The following MAP2K5 variants were observed in gnomAD, a reference collection of about 807,000 sequenced individuals.
MAP2K5 encodes the protein dual specificity mitogen-activated protein kinase kinase 5.
A neutral mutation model predicts 83.1 loss-of-function variants in MAP2K5; 49 were observed. That is an observed-to-expected ratio of 0.59 (90% CI 0.47 to 0.75). The LOEUF (loss-of-function observed/expected upper bound fraction) is 0.75. Among genes scored for constraint, MAP2K5 ranks in the 30% least tolerant of loss-of-function variants. MAP2K5 has a pLI of 0.00. For missense variants in MAP2K5, 457 were observed against 557.5 expected (o/e 0.82, Z 1.82); for synonymous variants, 202 against 191.8 (o/e 1.05, Z -0.44).
chr15:67,785,814 G>A lies in MAP2K5; in HGVS notation c.1242+13062G>A, dbSNP rs140473016. Among the ~76,000 whole-genome samples, 94 of 150,408 alleles carry A rather than the reference G, an allele frequency of 6.2e-4. No homozygotes were observed. In the East Asian group the frequency reaches 0.018, roughly 28 times the overall value. ...TTCAAAGCTTGCAAATCAGTCTATC[G>A]TGTGAATGTGAGCCAAGAAGCAACC... On this transcript the variant is annotated intron_variant, in intron 21 of 21. Coordinates refer to ENST00000178640, the MANE Select transcript of MAP2K5 (RefSeq NM_145160.3). The surrounding 1 kb of genome is among the most constrained non-coding windows in gnomAD (Gnocchi z 4.4).
intron 9 of MAP2K5, among the ~76,000 whole-genome samples, chr15:67,645,464 T>C (rs958797673): frequency 2.0e-5 from 3 of 152,236 alleles, no homozygotes; most frequent in Non-Finnish European, 4.4e-5. Context: ...GGTGACAGCA[T>C]GAGACTGTGT....
rs975132231 is a variant in MAP2K5, at chr15:67,749,832, A to C, written c.1134+1231A>C. Among the ~76,000 whole-genome samples the C allele has an allele frequency of 1.3e-5, 2 of 152,146 alleles. No individual in the cohort carries two copies. Among genetic ancestry groups the C allele is most frequent in the African/African-American group, 4.8e-5 (2 of 41,446 alleles). ...CTACTATCCCCATCAGAATCCTCCC[A>C]ATTTAACTGGTTTTCCTGAGGTCCC... On this transcript the variant is annotated intron_variant, in intron 19 of 21. Transcript: ENST00000178640. This position sits in a 1 kb window ranked among gnomAD's most constrained non-coding sequence, Gnocchi z 4.6.
chr15:67,676,009 G>T lies in MAP2K5; in HGVS notation c.847+11364G>T, dbSNP rs1272704747. On this transcript the variant is annotated intron_variant, in intron 13 of 21. Coordinates refer to ENST00000178640, the MANE Select transcript of MAP2K5 (RefSeq NM_145160.3). The surrounding 1 kb of genome is among the most constrained non-coding windows in gnomAD (Gnocchi z 4.8). Reference sequence around the variant, plus strand: ...CCCACCTCTAAAAGCCTTCTGACTTGCAGGGGATTGGGATTTGAAGCAGAC... The same window carrying T: ...CCCACCTCTAAAAGCCTTCTGACTTTCAGGGGATTGGGATTTGAAGCAGAC... Among the ~76,000 whole-genome samples, 1 of 152,234 alleles carries T rather than the reference G, an allele frequency of 6.6e-6. No homozygotes were observed. Among genetic ancestry groups the T allele is most frequent in the Non-Finnish European group, 1.5e-5 (1 of 68,038 alleles).
At chr15:67,695,879 G>T (rs1175049047) in intron 15 of MAP2K5, among the ~76,000 whole-genome samples, 1 of 152,184 alleles carries the variant, frequency 6.6e-6, no homozygotes, top group Non-Finnish European at 1.5e-5. Context: ...CTTCTTAGGT[G>T]AGTGAATTCT....
rs1474618645 is a variant in MAP2K5 at position 67,755,647 on chromosome 15, A to G, written c.1134+7046A>G. Among the ~76,000 whole-genome samples, 1 of 152,152 alleles carries G rather than the reference A, an allele frequency of 6.6e-6. No homozygotes were observed. Among genetic ancestry groups the G allele is most frequent in the African/African-American group, 2.4e-5 (1 of 41,414 alleles). On this transcript the variant is annotated intron_variant, in intron 19 of 21. Transcript: ENST00000178640. The surrounding 1 kb of genome is among the most constrained non-coding windows in gnomAD (Gnocchi z 4.7). ...TAGATGATTGTCCCTATTCATAATG[A>G]TTCTTTTTAGTACCACCATAATGAT...
At chr15:67,606,480 T>G (rs2085780833) in intron 8 of MAP2K5, among the ~76,000 whole-genome samples, 1 of 152,186 alleles carries the variant, frequency 6.6e-6, no homozygotes, top group South Asian at 2.1e-4. Flanking sequence ...ACTTAGGAAT[T>G]AATTTGAACC....
intron 13 of MAP2K5, among the ~76,000 whole-genome samples, chr15:67,692,210 T>G (rs963449471): frequency 1.6e-4 from 24 of 152,222 alleles, no homozygotes; most frequent in African/African-American, 5.3e-4. Flanking sequence ...TATTTACTGT[T>G]GTTGTAAGCC....
chr15:67,764,120 C>A lies in MAP2K5; in HGVS notation c.1135-5482C>A, dbSNP rs942605816. On this transcript the variant is annotated intron_variant, in intron 19 of 21. Coordinates refer to ENST00000178640, the MANE Select transcript of MAP2K5 (RefSeq NM_145160.3). This position sits in a 1 kb window ranked among gnomAD's most constrained non-coding sequence, Gnocchi z 4.9. Reference sequence around the variant, plus strand: ...GGCTGGCCATATTTCATTTAACTTGCCATGCTGGTTTAATCCAACCACAGT... The same window carrying A: ...GGCTGGCCATATTTCATTTAACTTGACATGCTGGTTTAATCCAACCACAGT... 6.6e-6 allele frequency among the ~76,000 whole-genome samples: 1 copy of A among 152,186 alleles called. No homozygotes were observed. The highest frequency in any genetic ancestry group is 1.5e-5 in the Non-Finnish European group (1 of 68,036).
intron 13 of MAP2K5, among the ~76,000 whole-genome samples, chr15:67,682,705 T>G (rs1187315756): frequency 6.7e-6 from 1 of 148,828 alleles, no homozygotes; most frequent in Non-Finnish European, 1.5e-5. Context: ...TGGTGGCAGG[T>G]GCCTGTAGTC....
intron 11 of MAP2K5, among the ~76,000 whole-genome samples, chr15:67,648,874 C>T (rs145339143): frequency 7.5e-4 from 114 of 152,232 alleles, no homozygotes; most frequent in African/African-American, 2.6e-3. Flanking sequence ...CCACTGCACC[C>T]GGTCAGTGTT....
At chr15:67,709,708 C>G (rs1249067338) in intron 16 of MAP2K5, among the ~76,000 whole-genome samples, 1 of 152,128 alleles carries the variant, frequency 6.6e-6, no homozygotes, top group African/African-American at 2.4e-5. Flanking sequence ...ATTCTTGTGT[C>G]ATTTGAGTTC....
chr15:67,646,206 A>C lies in MAP2K5; in HGVS notation c.586-25A>C, dbSNP rs747431161. On this transcript the variant is annotated intron_variant, in intron 9 of 21. Coordinates refer to ENST00000178640, the MANE Select transcript of MAP2K5 (RefSeq NM_145160.3). ...AACTAATATAATTAGAAGATTAAAAAATATTAATACCTTTCTATATTTAGG... is the reference window on the plus strand; with the variant it reads ...AACTAATATAATTAGAAGATTAAAACATATTAATACCTTTCTATATTTAGG... 4.0e-6 allele frequency: 4 copies of C among 991,696 alleles called. No individual in the cohort carries two copies. The Admixed American group carries it at 1.1e-4, about 27-fold the overall frequency. 61.4% of individuals were successfully genotyped at this position (991,696 alleles called of 1,614,324 possible).
intron 8 of MAP2K5, among the ~76,000 whole-genome samples, chr15:67,611,154 TA>T (rs933198479): frequency 6.6e-6 from 1 of 152,162 alleles, no homozygotes; most frequent in Non-Finnish European, 1.5e-5. Context: ...TAAAACTTAT[TA>T]AATCATAATT....
chr15:67,656,167 A>T (rs1020599452), intron 11 of MAP2K5, among the ~76,000 whole-genome samples: 2 of 152,168 alleles, frequency 1.3e-5, no homozygotes, highest in Admixed American at 6.5e-5. Flanking sequence ...GCCACAGATG[A>T]ATGAGTTTCT....
intron 4 of MAP2K5, among the ~76,000 whole-genome samples, chr15:67,581,301 C>T (rs1360103343): frequency 6.6e-6 from 1 of 152,108 alleles, no homozygotes; most frequent in African/African-American, 2.4e-5. Context: ...AATTGAAATT[C>T]TTCATAAATG....
intron 17 of MAP2K5, among the ~76,000 whole-genome samples, chr15:67,740,808 G>A (rs1209279101): frequency 1.3e-5 from 2 of 152,016 alleles, no homozygotes; most frequent in South Asian, 2.1e-4. Flanking sequence ...CAGGCAGATC[G>A]CTTGAGGCCA....
chr15:67,663,532 A>G (rs1338628670), intron 12 of MAP2K5, among the ~76,000 whole-genome samples: 2 of 152,134 alleles, frequency 1.3e-5, no homozygotes, highest in Non-Finnish European at 2.9e-5. Flanking sequence ...TGGGAAAAGC[A>G]GTTTCTATTC....
chr15:67,547,510 C>T (rs946283005), intron 1 of MAP2K5, among the ~76,000 whole-genome samples: 10 of 144,658 alleles, frequency 6.9e-5, no homozygotes, highest in African/African-American at 2.6e-4. Flanking sequence ...GGCTGGAATG[C>T]AGTGGCGTGA....
chr15:67,605,256 T>C (rs1463072443), intron 8 of MAP2K5, among the ~76,000 whole-genome samples: 1 of 152,016 alleles, frequency 6.6e-6, no homozygotes, highest in Non-Finnish European at 1.5e-5. Context: ...GGTTTCACCA[T>C]GTTGGCCAGG....
Sources: allele counts gnomAD v4.1 joint callset (sites outside exome capture counted in the v4.1 genomes callset), GRCh38; gene constraint gnomAD v4.1.1; non-coding constraint Gnocchi (gnomAD v3.1); transcripts MANE v1.5; gene names NCBI Gene and HGNC (gene_info 2026-07-23, HGNC 2026-07-21).